Variants in TAFA2 observed in about 807,000 individuals in gnomAD.
The protein encoded by TAFA2 is TAFA chemokine like family member 2.
A neutral mutation model predicts 18.8 loss-of-function variants in TAFA2; 7 were observed. The ratio of observed to expected loss-of-function variants is 0.37; its 90% confidence interval spans 0.21 to 0.70. TAFA2 has a LOEUF of 0.70. Ranked by LOEUF, TAFA2 falls within the 30% of genes least tolerant of loss-of-function variation. The pLI, the probability that TAFA2 is intolerant of heterozygous loss-of-function variation, is 0.53. For missense variants in TAFA2, 122 were observed against 158.1 expected, an observed-to-expected ratio of 0.77 and a Z score of 1.23; for synonymous variants, 60 against 54.2, an observed-to-expected ratio of 1.11 and a Z score of -0.47.
At chr12:61,799,373 T>C (rs1308476351) in intron 2 of TAFA2, among the ~76,000 whole-genome samples, 2 of 152,206 alleles carry the variant, frequency 1.3e-5, no homozygotes, top group Non-Finnish European at 2.9e-5. Context: ...CTTGAGATCA[T>C]GTTTGATAAA....
At chr12:62,021,187 T>C (rs927306863) in intron 1 of TAFA2, among the ~76,000 whole-genome samples, 1 of 152,222 alleles carries the variant, frequency 6.6e-6, no homozygotes, top group Non-Finnish European at 1.5e-5. Context: ...AGTACTATGG[T>C]ACAAGTAATC....
intron 1 of TAFA2, chr12:62,023,868 T>A (rs185812856): frequency 6.6e-6 from 1 of 152,338 alleles, no homozygotes; most frequent in East Asian, 1.9e-4. Context: ...TCTCATTCAA[T>A]GTTTTTCTTC....
At chr12:62,032,311 A>T (rs983360828) in intron 1 of TAFA2, among the ~76,000 whole-genome samples, 2 of 152,164 alleles carry the variant, frequency 1.3e-5, no homozygotes, top group Non-Finnish European at 2.9e-5. Flanking sequence ...ATTTCATTCA[A>T]CCCAGAATTT....
In TAFA2 at chr12:62,218,417, G is replaced by C. The variant is rs186190476; in HGVS notation, c.-130+40346C>G. ...CCTATTACTTGAAATGCTAGTATGTGATCAGTTGGGTAGGCTCACATCCCT... is the reference window on the plus strand; with the variant it reads ...CCTATTACTTGAAATGCTAGTATGTCATCAGTTGGGTAGGCTCACATCCCT... On this transcript the variant is annotated intron_variant, in intron 1 of 5. Coordinates refer to the TAFA2 transcript ENST00000551619. Among the ~76,000 whole-genome samples the C allele has an allele frequency of 1.6e-4, 24 of 152,228 alleles. No homozygotes were observed. In the East Asian group the frequency reaches 4.5e-3, roughly 29 times the overall value.
chr12:62,193,948 C>T (rs907723105), upstream of TAFA2, among the ~76,000 whole-genome samples: 5 of 152,142 alleles, frequency 3.3e-5, no homozygotes, highest in African/African-American at 1.2e-4. Flanking sequence ...AAACAAAGCA[C>T]CAAAACTAAA....
At chr12:62,138,993 T>C (rs1592359815) in intron 1 of TAFA2, among the ~76,000 whole-genome samples, 1 of 152,126 alleles carries the variant, frequency 6.6e-6, no homozygotes, top group East Asian at 1.9e-4. Flanking sequence ...TTCCTTCCTT[T>C]TCCATGGAGT....
chr12:61,743,246 C>T lies in TAFA2; in HGVS notation c.384+10376G>A, dbSNP rs74852735. On this transcript the variant is annotated intron_variant, in intron 4 of 4. Transcript: ENST00000416284. ...TGATAGCTTGATGTAGACAACTCTG[C>T]GAATTTCTGTTCATCCCTTAAAAGT... 8.8e-3 allele frequency among the ~76,000 whole-genome samples: 1,342 copies of T among 152,036 alleles called. 22 individuals carry two copies. The highest frequency in any genetic ancestry group is 0.031 in the African/African-American group (1,267 of 41,502).
At chr12:62,021,343 C>A (rs1377831793) in intron 1 of TAFA2, among the ~76,000 whole-genome samples, 1 of 151,848 alleles carries the variant, frequency 6.6e-6, no homozygotes, top group African/African-American at 2.4e-5. Flanking sequence ...TGAATAAGTT[C>A]TTTAGTGGCA....
intron 1 of TAFA2, among the ~76,000 whole-genome samples, chr12:62,175,477 C>A (rs1389130913): frequency 6.6e-6 from 1 of 152,138 alleles, no homozygotes; most frequent in Non-Finnish European, 1.5e-5. Flanking sequence ...AATGCCTAGT[C>A]ATTGCTCTGA....
In TAFA2 at chr12:62,114,574, A is replaced by G. The variant is rs559208312; in HGVS notation, c.-2+76685T>C. On this transcript the variant is annotated intron_variant, in intron 1 of 4. Coordinates refer to ENST00000416284, the MANE Select transcript of TAFA2 (RefSeq NM_178539.5). ...TTTTATTTAACTAAGAACAATGTTT[A>G]TATCATGGGTCATGTTGCTAAAAGA... 2.0e-5 allele frequency among the ~76,000 whole-genome samples: 3 copies of G among 152,366 alleles called. No homozygotes were observed. The South Asian group carries it at 6.2e-4, about 32-fold the overall frequency.
intron 1 of TAFA2, among the ~76,000 whole-genome samples, chr12:62,079,281 T>C (rs998700362): frequency 6.6e-6 from 1 of 152,102 alleles, no homozygotes; most frequent in African/African-American, 2.4e-5. Flanking sequence ...ATCAAATATA[T>C]ATTTTATCAA....
At chr12:62,109,534 G>C (rs141143960) in intron 1 of TAFA2, among the ~76,000 whole-genome samples, 3,115 of 152,300 alleles carry the variant, frequency 0.02, 106 homozygotes, top group African/African-American at 0.069. Flanking sequence ...TTGGTAGCTT[G>C]ATGGGGATAA....
chr12:62,219,906 T>C (rs1195892911), intron 1 of TAFA2, among the ~76,000 whole-genome samples: 1 of 152,202 alleles, frequency 6.6e-6, no homozygotes, highest in Non-Finnish European at 1.5e-5. Context: ...GAACTATTTT[T>C]AAACCCAGTG....
chr12:61,938,185 A>G (rs980570722), intron 1 of TAFA2, among the ~76,000 whole-genome samples: 3 of 148,274 alleles, frequency 2.0e-5, no homozygotes, highest in Non-Finnish European at 4.5e-5. Context: ...CCACTATACA[A>G]TTCATCCATG....
At chr12:61,904,959 T>A (rs1014697181) in intron 1 of TAFA2, among the ~76,000 whole-genome samples, 4 of 152,164 alleles carry the variant, frequency 2.6e-5, no homozygotes, top group African/African-American at 9.6e-5. Flanking sequence ...TTTTTAAACA[T>A]AGTATCTTCA....
chr12:61,966,823 T>C (rs1472030092), intron 1 of TAFA2, among the ~76,000 whole-genome samples: 1 of 151,906 alleles, frequency 6.6e-6, no homozygotes, highest in Non-Finnish European at 1.5e-5. Context: ...TTCTTTCTAA[T>C]TTTGAGGTGT....
In TAFA2 at chr12:62,094,647, T is replaced by C. The variant is rs1234464868; in HGVS notation, c.-2+96612A>G. ...TTTATTTTGGCTAACATTGAATGCTTACTCTATTTCAGATACTTCTAAACA... is the reference window on the plus strand; with the variant it reads ...TTTATTTTGGCTAACATTGAATGCTCACTCTATTTCAGATACTTCTAAACA... On this transcript the variant is annotated intron_variant, in intron 1 of 4. Transcript: ENST00000416284. 3.3e-5 allele frequency among the ~76,000 whole-genome samples: 5 copies of C among 152,082 alleles called. No homozygotes were observed. In the South Asian group the frequency reaches 1.0e-3, roughly 31 times the overall value.
chr12:62,228,719 G>A (rs2062799019), intron 1 of TAFA2, among the ~76,000 whole-genome samples: 1 of 152,008 alleles, frequency 6.6e-6, no homozygotes, highest in African/African-American at 2.4e-5. Flanking sequence ...GATCATTTGT[G>A]CTACCATACA....
chr12:61,928,074 G>A (rs1158531294), intron 1 of TAFA2, among the ~76,000 whole-genome samples: 2 of 152,146 alleles, frequency 1.3e-5, no homozygotes, highest in African/African-American at 2.4e-5. Context: ...GAAAACCTAG[G>A]CAATACCATT....
Sources: gnomAD v4.1 joint callset for allele counts (sites outside exome capture counted in the v4.1 genomes callset) on GRCh38, gnomAD v4.1.1 for gene constraint, MANE v1.5 for transcripts, NCBI Gene and HGNC (gene_info 2026-07-23, HGNC 2026-07-21) for gene names.